SLC22A3: variants seen among roughly 807,000 people sequenced by gnomAD.
The protein encoded by SLC22A3 is EMT organic cation transporter 3.
A neutral mutation model predicts 59.1 loss-of-function variants in SLC22A3; 51 were observed. The observed-to-expected ratio is 0.86, with a 90% CI of 0.69 to 1.09. The LOEUF (loss-of-function observed/expected upper bound fraction) is 1.09, where lower values mean the gene tolerates loss of function less well. Ranked by LOEUF, SLC22A3 falls within the 50% of genes least tolerant of loss-of-function variation. The pLI is 0.00. For synonymous variants in SLC22A3, 325 were observed against 292.0 expected (o/e 1.11, Z -1.15); for missense variants, 711 against 726.3 (o/e 0.98, Z 0.24).
At chr6:160,393,078 T>C (rs902914336) in intron 1 of SLC22A3, among the ~76,000 whole-genome samples, 3 of 151,894 alleles carry the variant, frequency 2.0e-5, no homozygotes, top group Non-Finnish European at 4.4e-5. Context: ...ACACCGCAAA[T>C]GAGGGCTATT....
chr6:160,351,252 A>C (rs978420172), intron 1 of SLC22A3, among the ~76,000 whole-genome samples: 4 of 152,118 alleles, frequency 2.6e-5, no homozygotes, highest in African/African-American at 9.7e-5. Flanking sequence ...AATAGCTGGG[A>C]CTACAGGCGA....
In SLC22A3 at chr6:160,398,041, C is replaced by T; in HGVS notation, c.492C>T (p.Gly164=). 6.2e-7 allele frequency: 1 copy of T among 1,613,890 alleles called. No individual in the cohort carries two copies. The highest frequency in any genetic ancestry group is 8.5e-7 in the Non-Finnish European group (1 of 1,179,806). ...TCACCCAAGCCATCCTGAACCTCGG[C>T]TTCCTGACTGGAGCATTCACCTTAG... The part of the protein sequence containing the change: ...LDLTQAILNL[G]FLTGAFTLGY... Residue 164 remains glycine, a synonymous_variant, in exon 2 of 11, where the codon GGC becomes GGT. Coordinates refer to ENST00000275300, the MANE Select transcript of SLC22A3 (RefSeq NM_021977.4).
intron 2 of SLC22A3, among the ~76,000 whole-genome samples, chr6:160,404,064 C>G (rs915041161): frequency 6.6e-6 from 1 of 151,748 alleles, no homozygotes; most frequent in Non-Finnish European, 1.5e-5. Flanking sequence ...TAGAAGCCCT[C>G]GCTAATACAA....
At chr6:160,433,908 A>T (rs1219262045) in intron 5 of SLC22A3, among the ~76,000 whole-genome samples, 1 of 152,240 alleles carries the variant, frequency 6.6e-6, no homozygotes, top group Admixed American at 6.5e-5. Flanking sequence ...GAAATAAAAG[A>T]GAGCCAGTAA....
chr6:160,443,545 G>T, intron 8 of SLC22A3, 85 bp from the exon 9 acceptor site: 1 of 937,478 alleles, frequency 1.1e-6, no homozygotes, highest in Non-Finnish European at 1.7e-6. Flanking sequence ...ACTTCCTTTG[G>T]TTTTTTAATA....
intron 2 of SLC22A3, among the ~76,000 whole-genome samples, chr6:160,400,353 G>C (rs557750246): frequency 6.6e-6 from 1 of 151,882 alleles, no homozygotes; most frequent in Non-Finnish European, 1.5e-5. Flanking sequence ...TGGAGAAAGA[G>C]AAACACCAAA....
At chr6:160,402,636 C>A (rs530717724) in intron 2 of SLC22A3, among the ~76,000 whole-genome samples, 1 of 151,792 alleles carries the variant, frequency 6.6e-6, no homozygotes, top group Non-Finnish European at 1.5e-5. Context: ...CAAGATAAAT[C>A]ACATTCTGGG....
chr6:160,427,650 A>T (rs1788011486), intron 5 of SLC22A3, among the ~76,000 whole-genome samples: 1 of 152,194 alleles, frequency 6.6e-6, no homozygotes, highest in Admixed American at 6.5e-5. Flanking sequence ...GACTGAGAAG[A>T]AGTGATGATA....
chr6:160,348,978 G>A, intron 1 of SLC22A3, 130 bp downstream of exon 1: 1 of 1,513,744 alleles, frequency 6.6e-7, no homozygotes, highest in Non-Finnish European at 8.8e-7. Flanking sequence ...GCTACCTCTG[G>A]GGACAGACAG....
intron 1 of SLC22A3, among the ~76,000 whole-genome samples, chr6:160,364,928 T>C (rs1458572810): frequency 6.6e-6 from 1 of 152,190 alleles, no homozygotes; most frequent in Non-Finnish European, 1.5e-5. Flanking sequence ...AGTGTACACA[T>C]TATCTTTTAC....
intron 1 of SLC22A3, among the ~76,000 whole-genome samples, chr6:160,352,530 T>A (rs1784696254): frequency 6.6e-6 from 1 of 152,194 alleles, no homozygotes; most frequent in South Asian, 2.1e-4. Flanking sequence ...AAAAGAGCTT[T>A]TCCCTAGGCT....
intron 5 of SLC22A3, among the ~76,000 whole-genome samples, chr6:160,430,384 G>A (rs919371006): frequency 6.6e-6 from 1 of 152,024 alleles, no homozygotes; most frequent in Non-Finnish European, 1.5e-5. Context: ...AGTCCTCCAC[G>A]TGGGGAGCTC....
chr6:160,439,460 C>G (rs909137469), intron 7 of SLC22A3, among the ~76,000 whole-genome samples: 6 of 151,958 alleles, frequency 3.9e-5, no homozygotes, highest in African/African-American at 9.7e-5. Context: ...TTCTCTGGTC[C>G]TAGATTGATT....
intron 9 of SLC22A3, among the ~76,000 whole-genome samples, chr6:160,445,190 C>T (rs1562505134): frequency 6.6e-6 from 1 of 152,190 alleles, no homozygotes; most frequent in Admixed American, 6.5e-5. Flanking sequence ...CACAGGGACC[C>T]TTGACCCCTG....
chr6:160,407,342 G>T, intron 3 of SLC22A3, 147 bp downstream of exon 3: 3 of 817,738 alleles, frequency 3.7e-6, no homozygotes, highest in Admixed American at 3.1e-5. Flanking sequence ...GCAGATGGGA[G>T]AGCTCAGAGG....
chr6:160,388,686 G>A (rs1468362007), intron 1 of SLC22A3, among the ~76,000 whole-genome samples: 1 of 152,162 alleles, frequency 6.6e-6, no homozygotes, highest in African/African-American at 2.4e-5. Context: ...TCTACATTGT[G>A]CTTCTGAATT....
chr6:160,405,415 A>C (rs1786972858), intron 2 of SLC22A3, among the ~76,000 whole-genome samples: 1 of 152,160 alleles, frequency 6.6e-6, no homozygotes, highest in South Asian at 2.1e-4. Flanking sequence ...CCAAATGCTG[A>C]CTAGGATGTG....
At chr6:160,427,155 G>A (rs1297206620) in intron 5 of SLC22A3, among the ~76,000 whole-genome samples, 2 of 152,166 alleles carry the variant, frequency 1.3e-5, no homozygotes, top group African/African-American at 4.8e-5. Context: ...AGAGATGCTT[G>A]TGACCCGAGC....
At chr6:160,405,531 AC>A (rs1349617144) in intron 2 of SLC22A3, among the ~76,000 whole-genome samples, 1 of 152,124 alleles carries the variant, frequency 6.6e-6, no homozygotes, top group African/African-American at 2.4e-5. Flanking sequence ...AATTAAACAT[AC>A]TTTTACTAAA....
Sources: allele counts gnomAD v4.1 joint callset (sites outside exome capture counted in the v4.1 genomes callset), GRCh38; gene constraint gnomAD v4.1.1; transcripts MANE v1.5; gene names NCBI Gene and HGNC (gene_info 2026-07-23, HGNC 2026-07-21).